The following FSTL5 variants were observed in gnomAD, a reference collection of about 807,000 sequenced individuals.
The protein encoded by FSTL5 is follistatin-related protein 5.
A neutral mutation model predicts 89.1 loss-of-function variants in FSTL5; 62 were observed. The observed-to-expected ratio is 0.70, with a 90% CI of 0.57 to 0.86. The LOEUF is 0.86. Ranked by LOEUF, FSTL5 falls within the 40% of genes least tolerant of loss-of-function variation. The pLI is 0.00. For synonymous variants in FSTL5, 383 were observed against 346.2 expected (o/e 1.11, Z -1.18); for missense variants, 1,057 against 1,001.6 (o/e 1.06, Z -0.75).
At chr4:161,491,502 A>G (rs932571376) in intron 12 of FSTL5, among the ~76,000 whole-genome samples, 1 of 151,978 alleles carries the variant, frequency 6.6e-6, no homozygotes, top group Non-Finnish European at 1.5e-5. Context: ...GAGATGGGAT[A>G]GAACTGATCG....
intron 15 of FSTL5, among the ~76,000 whole-genome samples, chr4:161,419,552 T>G (rs1413157900): frequency 1.3e-5 from 2 of 152,190 alleles, no homozygotes; most frequent in Non-Finnish European, 2.9e-5. Context: ...GACTTCCACA[T>G]TACCTTACAG....
At chr4:161,436,601 A>G (rs1732568597) in intron 15 of FSTL5, among the ~76,000 whole-genome samples, 1 of 152,176 alleles carries the variant, frequency 6.6e-6, no homozygotes, top group South Asian at 2.1e-4. Flanking sequence ...ATAACACAAC[A>G]TAAGGTATCA....
chr4:162,075,613 G>C (rs1346625332), intron 2 of FSTL5, among the ~76,000 whole-genome samples: 1 of 151,836 alleles, frequency 6.6e-6, no homozygotes, highest in African/African-American at 2.4e-5. Context: ...TAGAAAATTA[G>C]TCTGCACAGT....
chr4:161,395,374 T>C (rs1730961081), intron 15 of FSTL5, among the ~76,000 whole-genome samples: 1 of 151,976 alleles, frequency 6.6e-6, no homozygotes, highest in Non-Finnish European at 1.5e-5. Context: ...AAATGACTAT[T>C]AGCAACTAAA....
chr4:161,913,938 G>T (rs1032886886), intron 4 of FSTL5, among the ~76,000 whole-genome samples: 1 of 152,126 alleles, frequency 6.6e-6, no homozygotes, highest in Non-Finnish European at 1.5e-5. Flanking sequence ...TGAGACTTTG[G>T]ACTGTGGACT....
chr4:161,723,440 G>T (rs750626277), intron 6 of FSTL5, among the ~76,000 whole-genome samples: 5 of 152,296 alleles, frequency 3.3e-5, no homozygotes, highest in South Asian at 2.1e-4. Flanking sequence ...TCAACAATCT[G>T]CACTGAACAG....
chr4:161,395,587 C>T (rs1730969403), intron 15 of FSTL5, among the ~76,000 whole-genome samples: 1 of 152,032 alleles, frequency 6.6e-6, no homozygotes, highest in Non-Finnish European at 1.5e-5. Flanking sequence ...AATACTAATG[C>T]TGTTTAACTT....
intron 6 of FSTL5, among the ~76,000 whole-genome samples, chr4:161,740,447 C>G (rs1739980532): frequency 1.3e-5 from 2 of 151,232 alleles, no homozygotes; most frequent in South Asian, 4.2e-4. Context: ...TATATCTGAC[C>G]CCATTTCAAC....
intron 3 of FSTL5, among the ~76,000 whole-genome samples, chr4:161,935,790 G>C (rs984398975): frequency 8.6e-5 from 13 of 152,008 alleles, no homozygotes; most frequent in African/African-American, 3.1e-4. Context: ...CGTTTCCAAT[G>C]GTAGGATGAA....
At chr4:161,584,480 C>T (rs570649063) in intron 8 of FSTL5, among the ~76,000 whole-genome samples, 212 of 152,222 alleles carry the variant, frequency 1.4e-3, no homozygotes, top group African/African-American at 5.0e-3. Context: ...CTGGATTATT[C>T]CCATCAGCAT....
intron 7 of FSTL5, among the ~76,000 whole-genome samples, chr4:161,629,193 G>A (rs1735414837): frequency 6.6e-6 from 1 of 152,144 alleles, no homozygotes; most frequent in African/African-American, 2.4e-5. Context: ...CTTCCTTCAT[G>A]TTTTGACTGA....
At chr4:161,836,963 C>G (rs1439129631) in intron 4 of FSTL5, among the ~76,000 whole-genome samples, 1 of 151,906 alleles carries the variant, frequency 6.6e-6, no homozygotes, top group Non-Finnish European at 1.5e-5. Context: ...TGAGTCGGGC[C>G]TGGGTGTGTT....
intron 10 of FSTL5, among the ~76,000 whole-genome samples, chr4:161,521,758 A>G (rs1229092091): frequency 1.4e-5 from 2 of 146,796 alleles, no homozygotes; most frequent in African/African-American, 5.0e-5. Context: ...CTGAGGCAGG[A>G]GAATGGCGTG....
At chr4:161,433,006 G>T (rs918348884) in intron 15 of FSTL5, among the ~76,000 whole-genome samples, 2 of 151,544 alleles carry the variant, frequency 1.3e-5, no homozygotes, top group African/African-American at 4.8e-5. Context: ...AACATTGAAA[G>T]AACTAATACC....
chr4:161,540,926 C>T (rs1731799896), intron 9 of FSTL5, among the ~76,000 whole-genome samples: 1 of 152,054 alleles, frequency 6.6e-6, no homozygotes. Context: ...CATATTATCA[C>T]CTAGTCTCCT....
chr4:161,666,586 CT>C (rs1560779035), intron 6 of FSTL5, among the ~76,000 whole-genome samples: 2 of 152,062 alleles, frequency 1.3e-5, no homozygotes, highest in Non-Finnish European at 2.9e-5. Flanking sequence ...GAGAGTTTAG[CT>C]GTTATAAAGC....
intron 8 of FSTL5, among the ~76,000 whole-genome samples, chr4:161,558,437 A>C (rs1329269913): frequency 4.6e-5 from 7 of 151,916 alleles, no homozygotes. Flanking sequence ...TAAAAAGTGT[A>C]ATTAAATATT....
intron 4 of FSTL5, among the ~76,000 whole-genome samples, chr4:161,793,972 C>G (rs10003797): frequency 6.6e-6 from 1 of 151,938 alleles, no homozygotes; most frequent in East Asian, 1.9e-4. Flanking sequence ...ATAAGAAAGG[C>G]CTATCAGTTA....
chr4:162,014,264 A>T (rs1189660963), intron 3 of FSTL5, among the ~76,000 whole-genome samples: 1 of 152,204 alleles, frequency 6.6e-6, no homozygotes, highest in East Asian at 1.9e-4. Context: ...GTTATTTGCT[A>T]TTTGCAATGT....
Sources: allele counts gnomAD v4.1 joint callset (sites outside exome capture counted in the v4.1 genomes callset), GRCh38; gene constraint gnomAD v4.1.1; transcripts MANE v1.5; gene names NCBI Gene and HGNC (gene_info 2026-07-23, HGNC 2026-07-21).